The following PTPRB variants were observed in gnomAD, a reference collection of about 807,000 sequenced individuals.
The protein encoded by PTPRB is receptor-type tyrosine-protein phosphatase beta.
A neutral mutation model predicts 238.1 loss-of-function variants in PTPRB; 97 were observed. The observed-to-expected ratio is 0.41, with a 90% CI of 0.35 to 0.48. PTPRB has a LOEUF of 0.48. PTPRB is among the 20% of genes least tolerant of loss of function. The pLI is 0.30. For missense variants in PTPRB, 2,292 were observed against 2,681.9 expected (o/e 0.85, Z 3.21); for synonymous variants, 970 against 995.4 (o/e 0.97, Z 0.48).
At position 70,590,074 on chromosome 12, in the gene PTPRB, G is replaced by T; in HGVS notation, c.1940C>A (p.Thr647Lys). 6.2e-7 allele frequency: 1 copy of T among 1,613,912 alleles called. No individual in the cohort carries two copies. ...CCCCGTGTCATCCATGACATACTGT[G>T]TTTCTTCCTTTCCCACAGTGATGTT... ...LLNITVGKEETQYVMDDTGLV... is the reference protein window; with the variant it reads ...LLNITVGKEEKQYVMDDTGLV... The change falls in exon 8 of 34, where the codon ACA becomes AAA. Residue 647 changes from threonine to lysine, a missense_variant. Physicochemically the swap from Thr to Lys is moderately conservative, Grantham distance 78. Coordinates refer to ENST00000334414, the MANE Select transcript of PTPRB (RefSeq NM_001109754.4).
At chr12:70,634,807 C>T (rs371538868) in intron 2 of PTPRB, among the ~76,000 whole-genome samples, 1 of 152,184 alleles carries the variant, frequency 6.6e-6, no homozygotes, top group Non-Finnish European at 1.5e-5. Context: ...TGAGGCGCTT[C>T]GTTTCTTGAT....
At chr12:70,556,699 T>G (rs915526384) in intron 18 of PTPRB, among the ~76,000 whole-genome samples, 1 of 152,174 alleles carries the variant, frequency 6.6e-6, no homozygotes, top group African/African-American at 2.4e-5. Flanking sequence ...CCAAAAAAAC[T>G]ATGGCTAGGC....
chr12:70,555,906 C>G lies in PTPRB; in HGVS notation c.4957G>C (p.Glu1653Gln). Residue 1653 changes from glutamate to glutamine, a missense_variant, in exon 19 of 34, where the codon GAG (glutamate) becomes CAG (glutamine). By Grantham distance (29) the Glu-to-Gln change is conservative. Around this residue, in one of 4 missense-constraint regions of PTPRB, gnomAD observed 683 missense variants for 862.0 expected, o/e 0.79. Transcript: ENST00000334414. ...IKVQSAGMTS[E>Q]VVEDSTITMI... Reference sequence around the variant, plus strand: ...GTGATAGTGCTGTCTTCAACCACCTCGCTGGTCATGCCGGCCGACTGCACT... The same window carrying G: ...GTGATAGTGCTGTCTTCAACCACCTGGCTGGTCATGCCGGCCGACTGCACT... The G allele has an allele frequency of 1.9e-6, 3 of 1,613,376 alleles. No homozygotes were observed. Among genetic ancestry groups the G allele is most frequent in the Non-Finnish European group, 2.5e-6 (3 of 1,179,888 alleles).
intron 15 of PTPRB, 92 bp from the exon 16 acceptor site, chr12:70,563,199 G>A: frequency 7.9e-7 from 1 of 1,264,538 alleles, no homozygotes; most frequent in Non-Finnish European, 1.1e-6. Context: ...ACAGAAAGAG[G>A]AAGTTGGATT....
At chr12:70,593,282 G>A (rs1176039110) in intron 6 of PTPRB, among the ~76,000 whole-genome samples, 2 of 152,098 alleles carry the variant, frequency 1.3e-5, no homozygotes, top group African/African-American at 4.8e-5. Context: ...GGAGGCCAAG[G>A]CGGGTGAATC....
At chr12:70,636,224 T>C (rs1885682585) in intron 1 of PTPRB, among the ~76,000 whole-genome samples, 158 bp from the exon 2 acceptor site, 1 of 152,232 alleles carries the variant, frequency 6.6e-6, no homozygotes, top group East Asian at 1.9e-4. Context: ...ATTTAACACA[T>C]GTGATTTAAA....
chr12:70,636,667 A>G (rs1885710203), intron 1 of PTPRB, among the ~76,000 whole-genome samples: 1 of 152,220 alleles, frequency 6.6e-6, no homozygotes, highest in Non-Finnish European at 1.5e-5. Flanking sequence ...AGTATTGATT[A>G]TCACAAACTA....
intron 1 of PTPRB, 65 bp from the exon 2 acceptor site, chr12:70,636,131 A>G: frequency 7.0e-7 from 1 of 1,424,948 alleles, no homozygotes. Flanking sequence ...AAAACGGAAG[A>G]ACCCACCCAC....
At chr12:70,551,112 T>G (rs1876817809) in intron 21 of PTPRB, among the ~76,000 whole-genome samples, 1 of 152,128 alleles carries the variant, frequency 6.6e-6, no homozygotes, top group Non-Finnish European at 1.5e-5. Flanking sequence ...GCCAGGCTAG[T>G]CTTGAACTCC....
intron 3 of PTPRB, among the ~76,000 whole-genome samples, chr12:70,619,259 C>G (rs1884812879): frequency 6.7e-6 from 1 of 150,262 alleles, no homozygotes; most frequent in Non-Finnish European, 1.5e-5. Context: ...TAAGTTTCAG[C>G]TGGGTATCTA....
At chr12:70,631,338 C>G (rs1566026879) in intron 2 of PTPRB, among the ~76,000 whole-genome samples, 3 of 152,174 alleles carry the variant, frequency 2.0e-5, no homozygotes. Context: ...AAAGGATTCC[C>G]TATTTAATAA....
At chr12:70,578,321 A>G (rs983792820) in intron 10 of PTPRB, among the ~76,000 whole-genome samples, 5 of 152,210 alleles carry the variant, frequency 3.3e-5, no homozygotes, top group African/African-American at 1.2e-4. Flanking sequence ...TGAGGAGATG[A>G]TAAGGATTAT....
At chr12:70,583,803 T>C (rs909877155) in intron 9 of PTPRB, among the ~76,000 whole-genome samples, 1 of 152,088 alleles carries the variant, frequency 6.6e-6, no homozygotes, top group African/African-American at 2.4e-5. Flanking sequence ...CAAATGAAAA[T>C]TCTTTCTGAA....
intron 8 of PTPRB, among the ~76,000 whole-genome samples, chr12:70,588,755 C>T (rs1882195116): frequency 6.6e-6 from 1 of 151,946 alleles, no homozygotes; most frequent in East Asian, 1.9e-4. Context: ...GAGTTTGAGA[C>T]CAGCCTGGCC....
intron 2 of PTPRB, among the ~76,000 whole-genome samples, chr12:70,634,577 A>G (rs760572148): frequency 2.0e-5 from 3 of 152,178 alleles, no homozygotes; most frequent in Non-Finnish European, 4.4e-5. Context: ...CCCAGGATGC[A>G]TTAGCTACGG....
chr12:70,539,947 G>T lies in PTPRB; in HGVS notation c.5670C>A (p.Gly1890=). 1 of 1,609,450 alleles carries T rather than the reference G, an allele frequency of 6.2e-7. No homozygotes were observed. The highest frequency in any genetic ancestry group is 8.5e-7 in the Non-Finnish European group (1 of 1,175,826). Residue 1890 remains glycine, a synonymous_variant, in exon 24 of 34, where the codon GGC becomes GGA. Coordinates refer to ENST00000334414, the MANE Select transcript of PTPRB (RefSeq NM_001109754.4). ...DRPLSVHLNL[G]QKGNRKTSCP... The stretch of plus-strand genomic sequence containing the variant: ...GCAAATGTGGTGCTTACCCTTTCTG[G>T]CCCAGGTTTAAGTGGACAGATAATG...
At chr12:70,602,751 T>C (rs897522884) in intron 4 of PTPRB, among the ~76,000 whole-genome samples, 2 of 152,228 alleles carry the variant, frequency 1.3e-5, no homozygotes, top group East Asian at 1.9e-4. Context: ...TAGTTCATTA[T>C]ACTATCCTTT....
At chr12:70,606,206 TG>T (rs1883931736) in intron 4 of PTPRB, among the ~76,000 whole-genome samples, 1 of 152,224 alleles carries the variant, frequency 6.6e-6, no homozygotes, top group Non-Finnish European at 1.5e-5. Context: ...AACCACTTTT[TG>T]TTAGTCATCT....
At chr12:70,612,512 T>C (rs1442542317) in intron 3 of PTPRB, among the ~76,000 whole-genome samples, 2 of 152,132 alleles carry the variant, frequency 1.3e-5, no homozygotes, top group Non-Finnish European at 2.9e-5. Flanking sequence ...AGGACACTAT[T>C]TGAATTAGAA....
Sources: gnomAD v4.1 joint callset for allele counts (sites outside exome capture counted in the v4.1 genomes callset) on GRCh38, gnomAD v4.1.1 for gene constraint, gnomAD v4.1.1 regional missense constraint, MANE v1.5 for transcripts, NCBI Gene and HGNC (gene_info 2026-07-23, HGNC 2026-07-21) for gene names.